AGBL5: variants seen among roughly 807,000 people sequenced by gnomAD.
AGBL5 encodes the protein AGBL carboxypeptidase 5.
In AGBL5, 51 loss-of-function variants were observed where a neutral mutation model predicts 88.0. The ratio of observed to expected loss-of-function variants is 0.58; its 90% confidence interval spans 0.46 to 0.73. The LOEUF is 0.73. Ranked by LOEUF, AGBL5 falls within the 30% of genes least tolerant of loss-of-function variation. The probability of loss-of-function intolerance (pLI) is 0.00; values close to 1 mark genes in which losing one functional copy is unlikely to be tolerated. For synonymous variants in AGBL5, 446 were observed against 438.8 expected, an observed-to-expected ratio of 1.02 and a Z score of -0.21; for missense variants, 1,031 against 1,162.2, an observed-to-expected ratio of 0.89 and a Z score of 1.64.
At position 27,055,556 on chromosome 2, in the gene AGBL5, T is replaced by G. The variant is rs575196861; in HGVS notation, c.909-126T>G. The G allele has an allele frequency of 2.1e-5, 20 of 946,380 alleles. No individual in the cohort carries two copies. In the East Asian group the frequency reaches 3.6e-4, roughly 17 times the overall value. The allele number at this position is 946,380 out of a possible 1,614,324, so 58.6% of individuals were successfully genotyped here. ...AGAGGCCCTGTCTTCAATTCTTTCT[T>G]TCCTAACATAGCTTCAGCCTCTCAT... On this transcript the variant is annotated intron_variant, in intron 6 of 14. Coordinates refer to ENST00000360131, the MANE Select transcript of AGBL5 (RefSeq NM_021831.6).
intron 9 of AGBL5, 128 bp from the exon 10 acceptor site, chr2:27,058,272 T>A: frequency 9.4e-7 from 1 of 1,066,084 alleles, no homozygotes; most frequent in Non-Finnish European, 1.4e-6. Flanking sequence ...GGCACAAAGG[T>A]TAGGGCATCC....
At chr2:27,068,183 A>C (rs1387502235) in intron 12 of AGBL5, among the ~76,000 whole-genome samples, 1 of 151,988 alleles carries the variant, frequency 6.6e-6, no homozygotes, top group African/African-American at 2.4e-5. Flanking sequence ...CAACCTGTCA[A>C]CTCTCCTCAA....
Position 27,069,586 on chromosome 2 carries a change from TG to T in AGBL5, c.2372del (p.Gly791AlafsTer11). 2 of 1,614,056 alleles carry T rather than the reference TG, an allele frequency of 1.2e-6. No individual in the cohort carries two copies. The highest frequency in any genetic ancestry group is 1.7e-6 in the Non-Finnish European group (2 of 1,179,906). On this transcript the variant is annotated frameshift_variant, in exon 14 of 15. Transcript: ENST00000360131. LOFTEE classifies it high-confidence loss of function. ...IKTRLQARPR[L>X]GRGSPPTRRG... ...CTGTCCACACAGGCTAGGCCCAGGT[TG>T]GGCCGGGGCTCACCGCCGACTCGCA...
Position 27,057,304 on chromosome 2 carries a change from T to C in AGBL5, c.1537T>C (p.Tyr513His). 2 of 1,612,418 alleles carry C rather than the reference T, an allele frequency of 1.2e-6. No homozygotes were observed. The highest frequency in any genetic ancestry group is 1.7e-6 in the Non-Finnish European group (2 of 1,179,062). ...CTGATAAAGGTCTTTATGTCTTAGC[T>C]ACACACTTGAATGCAACTACAACAC... ...IYKASGIIHS[Y>H]TLECNYNTGR... Residue 513 changes from tyrosine to histidine, a missense_variant and splice_region_variant, in exon 9 of 15, where the codon TAC becomes CAC. Coordinates refer to ENST00000360131, the MANE Select transcript of AGBL5 (RefSeq NM_021831.6).
upstream of AGBL5, chr2:27,051,154 A>G (rs1317338972): frequency 1.3e-5 from 2 of 152,264 alleles, no homozygotes; most frequent in Non-Finnish European, 2.9e-5. Flanking sequence ...TGGTTGATCC[A>G]CTGGTCAGTG....
chr2:27,056,579 C>G (rs748611205), intron 7 of AGBL5, 44 bp from the exon 8 acceptor site: 3 of 1,539,570 alleles, frequency 1.9e-6, no homozygotes, highest in Admixed American at 3.7e-5. Flanking sequence ...TGCACCTTGT[C>G]CCTTCTGTCT....
rs2148278926 is a variant in AGBL5, at chr2:27,056,739, T to A, written c.1482T>A (p.Ser494=). 1 of 1,613,612 alleles carries A rather than the reference T, an allele frequency of 6.2e-7. No individual in the cohort carries two copies. Among genetic ancestry groups the A allele is most frequent in the Middle Eastern group, 1.7e-4 (1 of 6,060 alleles). ...MYARDRRDGQ[S]KEGSGRVAIY... is the part of the protein sequence containing the mutation. ...CCCGAGACCGTAGAGATGGCCAGTC[T>A]AAAGAGGGAAGCGGCCGTGTTGCAA... is the stretch of plus-strand genomic sequence containing the variant. The change falls in exon 8 of 15, where the codon TCT becomes TCA. Residue 494 remains serine, a synonymous_variant. Coordinates refer to ENST00000360131, the MANE Select transcript of AGBL5 (RefSeq NM_021831.6).
At chr2:27,059,164 G>A (rs887706893) in intron 10 of AGBL5, 26 bp from the exon 11 acceptor site, 15 of 1,606,354 alleles carry the variant, frequency 9.3e-6, no homozygotes, top group Non-Finnish European at 1.1e-5. Context: ...CCTGGCCCGG[G>A]TTAACTGGCA....
upstream of AGBL5, among the ~76,000 whole-genome samples, chr2:27,051,223 G>T (rs1314146723): frequency 6.6e-6 from 1 of 152,216 alleles, no homozygotes; most frequent in Non-Finnish European, 1.5e-5. Context: ...CGGGGGATTA[G>T]CTCAAATGGT....
Position 27,054,187 on chromosome 2 carries a change from A to G in AGBL5, c.551+128A>G, listed in dbSNP as rs569693795. ...TCTTTTTTCTGTACAGAATGTACAG[A>G]CAGGACTTTGGGTACCTTTGAAAAC... On this transcript the variant is annotated intron_variant, in intron 4 of 14. Coordinates refer to ENST00000360131, the MANE Select transcript of AGBL5 (RefSeq NM_021831.6). 1.0e-4 allele frequency: 124 copies of G among 1,233,496 alleles called. No homozygotes were observed. The Admixed American group carries it at 2.7e-3, about 27-fold the overall frequency. The allele number at this position is 1,233,496 out of a possible 1,614,324, so 76.4% of individuals were successfully genotyped here. A position where few individuals can be genotyped will look rare whatever the true frequency, so the allele number is the denominator to read the frequency against.
Position 27,058,391 on chromosome 2 carries a change from A to C in AGBL5, c.1672-9A>C. The C allele has an allele frequency of 6.2e-7, 1 of 1,612,576 alleles. No individual in the cohort carries two copies. The highest frequency in any genetic ancestry group is 8.5e-7 in the Non-Finnish European group (1 of 1,179,988). On this transcript the variant is annotated splice_polypyrimidine_tract_variant and intron_variant, in intron 9 of 14. Transcript: ENST00000360131. ...CCAGCATGCTGAGCCAAACTGGACT[A>C]CCCCACAGGTGGGACGAGCTATGGC...
chr2:27,060,419 A>G (rs925683771), intron 11 of AGBL5, among the ~76,000 whole-genome samples: 2 of 152,194 alleles, frequency 1.3e-5, no homozygotes, highest in Non-Finnish European at 2.9e-5. Context: ...TGGATTGCGG[A>G]GGGGGAGAGA....
In AGBL5 at chr2:27,058,437, C is replaced by T. The variant is rs138902216; in HGVS notation, c.1709C>T (p.Ala570Val). The change falls in exon 10 of 15, where the codon GCG becomes GTG. Residue 570 changes from alanine to valine, a missense_variant. Ala to Val is a moderately conservative substitution (Grantham distance 64, BLOSUM62 0). Transcript: ENST00000360131. ...ATGGCCATTGCAGCCCTGGACATGG[C>T]GGAATGTAATCCGTGGCCCCGAATT... ...RAMAIAALDM[A>V]ECNPWPRIVL... is the part of the protein sequence containing the mutation. 3.0e-5 allele frequency: 48 copies of T among 1,613,674 alleles called. No individual in the cohort carries two copies. In the South Asian group the frequency reaches 4.0e-4, roughly 13 times the overall value.
At position 27,068,667 on chromosome 2, in the gene AGBL5, C is replaced by T; in HGVS notation, c.2278C>T (p.Pro760Ser). The T allele has an allele frequency of 6.2e-7, 1 of 1,614,142 alleles. No homozygotes were observed. Among genetic ancestry groups the T allele is most frequent in the Non-Finnish European group, 8.5e-7 (1 of 1,180,028 alleles). ...SCSLLSSGDK[P>S]EAVMVIGKGL... ...CTCACTCTTGTCCTCTGGAGACAAA[C>T]CAGAGGCTGTCATGGTAATCGGGAA... Residue 760 changes from proline (P) to serine (S), a missense_variant, in exon 13 of 15, where the codon CCA (proline) becomes TCA (serine). This residue lies in a region of AGBL5 where 491 missense variants were observed against 484.0 expected (regional missense o/e 1.01). Coordinates refer to ENST00000360131, the MANE Select transcript of AGBL5 (RefSeq NM_021831.6).
chr2:27,050,846 G>T (rs1223830280), upstream of AGBL5, among the ~76,000 whole-genome samples: 1 of 152,192 alleles, frequency 6.6e-6, no homozygotes, highest in Admixed American at 6.5e-5. Flanking sequence ...TCCTTAGGTC[G>T]CTGGTTCGAT....
In AGBL5 at chr2:27,069,605, G is replaced by C. The variant is rs147224338; in HGVS notation, c.2388G>C (p.Pro796=). ...ARPRLGRGSP[P]TRRGMKGSSG... Reference sequence around the variant, plus strand: ...CCAGGTTGGGCCGGGGCTCACCGCCGACTCGCAGAGGGATGAAAGGCTCTT... The same window carrying C: ...CCAGGTTGGGCCGGGGCTCACCGCCCACTCGCAGAGGGATGAAAGGCTCTT... Residue 796 remains proline, a synonymous_variant, in exon 14 of 15, where the codon CCG becomes CCC. Coordinates refer to ENST00000360131, the MANE Select transcript of AGBL5 (RefSeq NM_021831.6). The C allele has an allele frequency of 5.0e-6, 8 of 1,614,150 alleles. No homozygotes were observed. Among genetic ancestry groups the C allele is most frequent in the Middle Eastern group, 3.3e-4 (2 of 6,062 alleles).
rs143002099 is a variant in AGBL5, at chr2:27,053,937, C to T, written c.429C>T (p.Phe143=). The T allele has an allele frequency of 6.6e-5, 107 of 1,614,094 alleles. No individual in the cohort carries two copies. The Middle Eastern group carries it at 8.3e-4, about 12-fold the overall frequency. Residue 143 remains phenylalanine, a synonymous_variant, in exon 4 of 15, where the codon TTC becomes TTT. Coordinates refer to ENST00000360131, the MANE Select transcript of AGBL5 (RefSeq NM_021831.6). This position sits in a 1 kb window ranked among gnomAD's most constrained non-coding sequence, Gnocchi z 4.9. ...TTGTGTTATCCTTTGTTCATCGTTT[C>T]GTGGAGGGCCGTGGGGCCACCACCT... The part of the protein sequence containing the change: ...TQFVLSFVHR[F]VEGRGATTFF...
intron 6 of AGBL5, 61 bp from the exon 7 acceptor site, chr2:27,055,621 C>T (rs898322571): frequency 5.4e-6 from 8 of 1,469,330 alleles, no homozygotes; most frequent in Admixed American, 5.3e-5. Flanking sequence ...TTCATCTACA[C>T]TAGTGTCTCC....
upstream of AGBL5, chr2:27,050,992 G>A (rs1358765196): frequency 6.6e-6 from 1 of 152,234 alleles, no homozygotes; most frequent in Non-Finnish European, 1.5e-5. Context: ...GTAGTATGTA[G>A]TATACGGTAA....
Sources: allele counts gnomAD v4.1 joint callset (sites outside exome capture counted in the v4.1 genomes callset), GRCh38; gene constraint gnomAD v4.1.1; regional missense constraint gnomAD v4.1.1; non-coding constraint Gnocchi (gnomAD v3.1); transcripts MANE v1.5; gene names NCBI Gene and HGNC (gene_info 2026-07-23, HGNC 2026-07-21).